Variants in TBX6 observed in about 807,000 individuals in gnomAD.
TBX6 encodes the protein T-box transcription factor TBX6.
A neutral mutation model predicts 42.3 loss-of-function variants in TBX6; 29 were observed. That is an observed-to-expected ratio of 0.69 (90% CI 0.51 to 0.93). The LOEUF (loss-of-function observed/expected upper bound fraction) is 0.93, where lower values mean the gene tolerates loss of function less well. Ranked by LOEUF, TBX6 falls within the 40% of genes least tolerant of loss-of-function variation. TBX6 has a pLI of 0.00. For synonymous variants in TBX6, 249 were observed against 245.1 expected (o/e 1.02, Z -0.15); for missense variants, 569 against 603.3 (o/e 0.94, Z 0.59).
chr16:30,090,136 C>T (rs1009769783), intron 3 of TBX6, among the ~76,000 whole-genome samples: 3 of 152,108 alleles, frequency 2.0e-5, no homozygotes, highest in African/African-American at 7.2e-5. Context: ...TAGGAGCTTC[C>T]TGTCCCCACC....
In TBX6 at chr16:30,089,209, G is replaced by T. The variant is rs1348630707; in HGVS notation, c.355C>A (p.Arg119Ser). 1 of 1,612,764 alleles carries T rather than the reference G, an allele frequency of 6.2e-7. No homozygotes were observed. Among genetic ancestry groups the T allele is most frequent in the Admixed American group, 1.7e-5 (1 of 59,942 alleles). The change falls in exon 4 of 9, where the codon CGC (arginine) becomes AGC (serine). Residue 119 changes from arginine (R) to serine (S), a missense_variant and splice_region_variant. Coordinates refer to ENST00000395224, the MANE Select transcript of TBX6 (RefSeq NM_004608.4). Reference sequence around the variant, plus strand: ...GACACTCGGCAGGCAGGGAACATGCGCCTGTGCAAGGGAGGGGACAGGAGA... The same window carrying T: ...GACACTCGGCAGGCAGGGAACATGCTCCTGTGCAAGGGAGGGGACAGGAGA... ...TEMIITKAGR[R>S]MFPACRVSVT...
chr16:30,086,342 G>A lies in TBX6; in HGVS notation c.1194C>T (p.Tyr398=). 1 of 1,602,856 alleles carries A rather than the reference G, an allele frequency of 6.2e-7. No individual in the cohort carries two copies. Among genetic ancestry groups the A allele is most frequent in the Non-Finnish European group, 8.5e-7 (1 of 1,176,658 alleles). ...ELPHGSGGSG[Y]PAAPPAVPFA... is the part of the protein sequence containing the mutation. Reference sequence around the variant, plus strand: ...AGGGTACCGCCGGTGGAGCCGCTGGGTACCCGGAGCCCCCTGACCCGTGCG... The same window carrying A: ...AGGGTACCGCCGGTGGAGCCGCTGGATACCCGGAGCCCCCTGACCCGTGCG... Residue 398 remains tyrosine, a synonymous_variant, in exon 9 of 9, where the codon TAC becomes TAT. Transcript: ENST00000395224. This position sits in a 1 kb window ranked among gnomAD's most constrained non-coding sequence, Gnocchi z 4.6.
intron 6 of TBX6, among the ~76,000 whole-genome samples, chr16:30,087,240 T>A (rs532523311): frequency 1.3e-5 from 2 of 152,276 alleles, no homozygotes; most frequent in Non-Finnish European, 2.9e-5. Context: ...TTTTTAAAAT[T>A]TGAGATGGGG....
Position 30,088,304 on chromosome 16 carries a change from C to G in TBX6, c.839+241G>C. The G allele has an allele frequency of 1.7e-6, 1 of 579,674 alleles. No homozygotes were observed. Among genetic ancestry groups the G allele is most frequent in the South Asian group, 2.0e-5 (1 of 50,668 alleles). The allele number at this position is 579,674 out of a possible 1,614,324, so 35.9% of individuals were successfully genotyped here. A position where few individuals can be genotyped will look rare whatever the true frequency, so the allele number is the denominator to read the frequency against. On this transcript the variant is annotated intron_variant, in intron 6 of 8. Coordinates refer to ENST00000395224, the MANE Select transcript of TBX6 (RefSeq NM_004608.4). This position sits in a 1 kb window ranked among gnomAD's most constrained non-coding sequence, Gnocchi z 4.1. ...TTTATTTCTCTTGTCTGCTTGTCTA[C>G]TCTCCCCACTAGAAATCAGCTGCAT... is the stretch of plus-strand genomic sequence containing the variant.
At chr16:30,087,614 T>C (rs1480542738) in intron 6 of TBX6, among the ~76,000 whole-genome samples, 2 of 152,202 alleles carry the variant, frequency 1.3e-5, no homozygotes, top group Admixed American at 6.5e-5. Context: ...TTACGGAACC[T>C]TTACTGTCCG....
chr16:30,088,183 C>A lies in TBX6; in HGVS notation c.839+362G>T, dbSNP rs77045099. 1,566 of 303,054 alleles carry A rather than the reference C, an allele frequency of 5.2e-3. 39 individuals carry two copies. The East Asian group carries it at 0.054, about 10-fold the overall frequency. 18.8% of individuals were successfully genotyped at this position (303,054 alleles called of 1,614,324 possible). A position where few individuals can be genotyped will look rare whatever the true frequency, so the allele number is the denominator to read the frequency against. Reference sequence around the variant, plus strand: ...GAACTCCTGGCCTCAGGTGATCTGCCCGCCTCAGCCTCCCAGAGTGCTGGG... The same window carrying A: ...GAACTCCTGGCCTCAGGTGATCTGCACGCCTCAGCCTCCCAGAGTGCTGGG... On this transcript the variant is annotated intron_variant, in intron 6 of 8. Transcript: ENST00000395224. This position sits in a 1 kb window ranked among gnomAD's most constrained non-coding sequence, Gnocchi z 4.1.
chr16:30,091,584 G>T, intron 1 of TBX6: 1 of 195,088 alleles, frequency 5.1e-6, no homozygotes. Context: ...GGGGGGCGGG[G>T]CCTGGAACCT....
Position 30,085,808 on chromosome 16 carries a change from T to C in TBX6, c.*417A>G, listed in dbSNP as rs2072615694. On this transcript the variant is annotated 3_prime_UTR_variant, in exon 9 of 9. Transcript: ENST00000395224. ...GAGCCCAATGTTTCCTGAGCATGGATGGCTTTTGAGTTTTATTAACAAAAA... is the reference window on the plus strand; with the variant it reads ...GAGCCCAATGTTTCCTGAGCATGGACGGCTTTTGAGTTTTATTAACAAAAA... 1 of 203,352 alleles carries C rather than the reference T, an allele frequency of 4.9e-6. No homozygotes were observed. Among genetic ancestry groups the C allele is most frequent in the African/African-American group, 2.4e-5 (1 of 41,830 alleles). 12.6% of individuals were successfully genotyped at this position (203,352 alleles called of 1,614,324 possible). A position where few individuals can be genotyped will look rare whatever the true frequency, so the allele number is the denominator to read the frequency against.
rs1003173890 is a variant in TBX6, at chr16:30,086,061, AG to A, written c.*163del. The stretch of plus-strand genomic sequence containing the variant: ...AGCCTTGGTTAGGCTTTGAAGCCAG[AG>A]GGGGGTGGGAGTGAAATCAAGGTGT... On this transcript the variant is annotated 3_prime_UTR_variant, in exon 9 of 9. Transcript: ENST00000395224. This position sits in a 1 kb window ranked among gnomAD's most constrained non-coding sequence, Gnocchi z 4.6. 1.9e-6 allele frequency: 1 copy of A among 516,860 alleles called. No homozygotes were observed. The highest frequency in any genetic ancestry group is 3.0e-6 in the Non-Finnish European group (1 of 329,678). The allele number at this position is 516,860 out of a possible 1,614,324, so 32.0% of individuals were successfully genotyped here.
At position 30,086,437 on chromosome 16, in the gene TBX6, T is replaced by G; in HGVS notation, c.1099A>C (p.Ser367Arg). Residue 367 changes from serine to arginine, a missense_variant and splice_region_variant, in exon 9 of 9, where the codon AGC becomes CGC. By Grantham distance (110) the Ser-to-Arg change is moderately radical. Transcript: ENST00000395224. This position sits in a 1 kb window ranked among gnomAD's most constrained non-coding sequence, Gnocchi z 4.6. ...HGAPSHLPTR[S>R]PSFPEAPDSG... ...TCTGGAGCCTCCGGGAAGCTGGGGC[T>G]CCTGACATGGAGAGAGGGATGTCAG... 6.6e-7 allele frequency: 1 copy of G among 1,511,568 alleles called. No homozygotes were observed. Among genetic ancestry groups the G allele is most frequent in the Non-Finnish European group, 8.8e-7 (1 of 1,134,990 alleles). The allele number at this position is 1,511,568 out of a possible 1,614,324, so 93.6% of individuals were successfully genotyped here. A position where few individuals can be genotyped will look rare whatever the true frequency, so the allele number is the denominator to read the frequency against.
chr16:30,088,596 G>A lies in TBX6; in HGVS notation c.788C>T (p.Ala263Val). ...QNPQITQLKI[A>V]ANPFAKGFRE... ...GAAGCCTTTGGCAAAGGGATTGGCT[G>A]CAATCTTCAGTTGTGTGATCTGGGG... Residue 263 changes from alanine (A) to valine (V), a missense_variant, in exon 6 of 9, where the codon GCA (alanine) becomes GTA (valine). Coordinates refer to ENST00000395224, the MANE Select transcript of TBX6 (RefSeq NM_004608.4). This position sits in a 1 kb window ranked among gnomAD's most constrained non-coding sequence, Gnocchi z 4.1. 1.2e-6 allele frequency: 2 copies of A among 1,614,224 alleles called. No individual in the cohort carries two copies. The highest frequency in any genetic ancestry group is 1.7e-6 in the Non-Finnish European group (2 of 1,180,036).
In TBX6 at chr16:30,086,142, G is replaced by A; in HGVS notation, c.*83C>T. ...AGGCGGCCATTTGGTGTGGGGGATG[G>A]GGCCGGTGGAGGTGAGGGGGCTCCA... On this transcript the variant is annotated 3_prime_UTR_variant, in exon 9 of 9. Coordinates refer to ENST00000395224, the MANE Select transcript of TBX6 (RefSeq NM_004608.4). This position sits in a 1 kb window ranked among gnomAD's most constrained non-coding sequence, Gnocchi z 4.6. 6.7e-7 allele frequency: 1 copy of A among 1,481,684 alleles called. No individual in the cohort carries two copies. The highest frequency in any genetic ancestry group is 1.2e-5 in the South Asian group (1 of 82,348). 91.8% of individuals were successfully genotyped at this position (1,481,684 alleles called of 1,614,324 possible).
In TBX6 at chr16:30,085,968, A is replaced by AGAG. The variant is rs1179696737; in HGVS notation, c.*254_*256dup. ...GGTCTGTGGCCCCATTTGGCCAGGC[A>AGAG]GAGCCCCTTCCATTCACACGGAGGT... On this transcript the variant is annotated 3_prime_UTR_variant, in exon 9 of 9. Transcript: ENST00000395224. 2.1e-6 allele frequency: 1 copy of AGAG among 487,402 alleles called. No homozygotes were observed. Among genetic ancestry groups the AGAG allele is most frequent in the African/African-American group, 2.0e-5 (1 of 49,636 alleles). 30.2% of individuals were successfully genotyped at this position (487,402 alleles called of 1,614,324 possible).
chr16:30,091,096 G>C lies in TBX6; in HGVS notation c.98C>G (p.Ala33Gly). The C allele has an allele frequency of 6.3e-7, 1 of 1,583,836 alleles. No homozygotes were observed. Among genetic ancestry groups the C allele is most frequent in the Non-Finnish European group, 8.6e-7 (1 of 1,165,732 alleles). ...CTCACCGGGGTAGCGGTAGCCCTCC[G>C]CTAGGGCGGGTGGGAAGCTGGAGTC... ...GADSSFPPAL[A>G]EGYRYPELDT... Residue 33 changes from alanine to glycine, a missense_variant, in exon 2 of 9, where the codon GCG (alanine) becomes GGG (glycine). Ala to Gly is a moderately conservative substitution (Grantham distance 60). This residue lies in a region of TBX6 where 134 missense variants were observed against 125.3 expected (regional missense o/e 1.07). Coordinates refer to ENST00000395224, the MANE Select transcript of TBX6 (RefSeq NM_004608.4).
chr16:30,091,401 T>G, intron 1 of TBX6, 160 bp from the exon 2 acceptor site: 1 of 499,388 alleles, frequency 2.0e-6, no homozygotes, highest in Admixed American at 3.8e-5. Context: ...GGTCCCCTCC[T>G]CCCCTCCCTC....
chr16:30,091,023 C>T (rs765189967), intron 2 of TBX6, 31 bp from the exon 3 acceptor site: 8 of 1,601,110 alleles, frequency 5.0e-6, no homozygotes, highest in Non-Finnish European at 6.8e-6. Flanking sequence ...AGGAGCCAGC[C>T]GAGGGCCACA....
At position 30,089,131 on chromosome 16, in the gene TBX6, G is replaced by C. The variant is rs1413203016; in HGVS notation, c.433C>G (p.Pro145Ala). Residue 145 changes from proline to alanine, a missense_variant, in exon 4 of 9, where the codon CCG (proline) becomes GCG (alanine). Transcript: ENST00000395224. ...CAGCGGTAGCGAGCCCCATCCACCG[G>C]AATCACATCCAGAAGAAACAAGTAG... ...ARYLFLLDVI[P>A]VDGARYRWQG... 3 of 1,613,966 alleles carry C rather than the reference G, an allele frequency of 1.9e-6. No individual in the cohort carries two copies. The highest frequency in any genetic ancestry group is 2.5e-6 in the Non-Finnish European group (3 of 1,180,034).
intron 1 of TBX6, 30 bp from the exon 2 acceptor site, chr16:30,091,271 CTCAGCCCCTTCCAGATCCAGGA>C: frequency 8.5e-7 from 1 of 1,180,240 alleles, no homozygotes; most frequent in Non-Finnish European, 1.2e-6. Context: ...TAGCTCACAG[CTCAGCCCCTTCCAGATCCAGGA>C]TCACAGCCCC....
chr16:30,091,323 G>A, intron 1 of TBX6, 82 bp from the exon 2 acceptor site: 1 of 828,652 alleles, frequency 1.2e-6, no homozygotes, highest in Non-Finnish European at 1.8e-6. Context: ...TGGGGCCCTG[G>A]AGTTGGGCTG....
Sources: gnomAD v4.1 joint callset for allele counts (sites outside exome capture counted in the v4.1 genomes callset) on GRCh38, gnomAD v4.1.1 for gene constraint, gnomAD v4.1.1 regional missense constraint, Gnocchi (gnomAD v3.1) non-coding constraint, MANE v1.5 for transcripts, NCBI Gene and HGNC (gene_info 2026-07-23, HGNC 2026-07-21) for gene names.